Variants in ADCY9 observed in about 807,000 individuals in gnomAD.
ADCY9 encodes the protein adenylate cyclase type 9.
A neutral mutation model predicts 101.5 loss-of-function variants in ADCY9; 50 were observed. That is an observed-to-expected ratio of 0.49 (90% CI 0.39 to 0.62). The LOEUF (loss-of-function observed/expected upper bound fraction) is 0.62, where lower values mean the gene tolerates loss of function less well. Ranked by LOEUF, ADCY9 falls within the 20% of genes least tolerant of loss-of-function variation. The probability of loss-of-function intolerance (pLI) is 0.00; values close to 1 mark genes in which losing one functional copy is unlikely to be tolerated. For missense variants in ADCY9, 1,662 were observed against 1,800.4 expected (o/e 0.92, Z 1.39); for synonymous variants, 905 against 769.3 (o/e 1.18, Z -2.92).
At chr16:4,070,225 T>C (rs1442778167) in intron 2 of ADCY9, among the ~76,000 whole-genome samples, 1 of 149,950 alleles carries the variant, frequency 6.7e-6, no homozygotes, top group East Asian at 2.0e-4. Context: ...GTTTGTTGTA[T>C]AGAAAATAAG....
At chr16:4,016,790 A>C (rs769566872) in intron 2 of ADCY9, among the ~76,000 whole-genome samples, 44 of 152,198 alleles carry the variant, frequency 2.9e-4, no homozygotes, top group Non-Finnish European at 1.3e-4. Flanking sequence ...ATCTGTAGAC[A>C]CAGAAAGCAG....
At chr16:4,000,382 G>A (rs2238445) in intron 3 of ADCY9, among the ~76,000 whole-genome samples, 12,837 of 152,174 alleles carry the variant, frequency 0.084, 756 homozygotes, top group East Asian at 0.27. Context: ...CCAGGTGAAC[G>A]GGGCAGCCTG....
Position 3,965,720 on chromosome 16 carries a change from A to G in ADCY9, c.*55T>C. 6.6e-7 allele frequency: 1 copy of G among 1,523,282 alleles called. No homozygotes were observed. 94.4% of individuals were successfully genotyped at this position (1,523,282 alleles called of 1,614,324 possible). On this transcript the variant is annotated 3_prime_UTR_variant, in exon 11 of 11. Transcript: ENST00000294016. ...CTTGGAAAGCACAACAGCCAAATAC[A>G]AATATTACTGTGTTTCGACAAACAG...
rs5815192 is a variant in ADCY9 at position 4,050,713 on chromosome 16, C to CAAAA, written c.1694-43159_1694-43156dup. On this transcript the variant is annotated intron_variant, in intron 2 of 10. Transcript: ENST00000294016. The stretch of plus-strand genomic sequence containing the variant: ...TGGCAACAAGAGTGAAACTCCGTCT[C>CAAAA]AAAAAAAAAAAAAAAAAAAAAAAAT... 2.4e-3 allele frequency among the ~76,000 whole-genome samples: 166 copies of CAAAA among 69,226 alleles called. 1 individual carries two copies. Among genetic ancestry groups the CAAAA allele is most frequent in the East Asian group, 9.7e-3 (24 of 2,478 alleles). The allele number at this position is 69,226 out of a possible 152,430, so 45.4% of individuals were successfully genotyped here. A position where few individuals can be genotyped will look rare whatever the true frequency, so the allele number is the denominator to read the frequency against.
chr16:4,075,340 T>C (rs991094255), intron 2 of ADCY9, among the ~76,000 whole-genome samples: 3 of 152,152 alleles, frequency 2.0e-5, no homozygotes, highest in African/African-American at 7.2e-5. Context: ...GGTTTTGCCA[T>C]GTTGGCCAGG....
At position 4,115,260 on chromosome 16, in the gene ADCY9, C is replaced by T. The variant is rs138231060; in HGVS notation, c.183G>A (p.Gly61=). The change falls in exon 2 of 11, where the codon GGG becomes GGA. Residue 61 remains glycine, a synonymous_variant. Coordinates refer to ENST00000294016, the MANE Select transcript of ADCY9 (RefSeq NM_001116.4). This position sits in a 1 kb window ranked among gnomAD's most constrained non-coding sequence, Gnocchi z 6.2. ...CGCCGCCCACTCGCCGGGGGACGCC[C>T]CCGGAGTCCCCAGAGCTGCTGCAGC... ...SSSCSSSGDS[G]GVPRRVGGGG... 1.4e-3 allele frequency: 2,191 copies of T among 1,613,494 alleles called. 2 individuals carry two copies. Among genetic ancestry groups the T allele is most frequent in the Non-Finnish European group, 1.7e-3 (1,961 of 1,179,728 alleles).
At chr16:4,011,495 A>T (rs2056404108) in intron 2 of ADCY9, among the ~76,000 whole-genome samples, 4 of 152,192 alleles carry the variant, frequency 2.6e-5, no homozygotes, top group Admixed American at 2.6e-4. Flanking sequence ...GGAGTCAGGA[A>T]ATAACAGTGG....
At chr16:4,089,198 C>T (rs937484435) in intron 2 of ADCY9, among the ~76,000 whole-genome samples, 12 of 152,118 alleles carry the variant, frequency 7.9e-5, no homozygotes, top group Middle Eastern at 6.8e-3. Flanking sequence ...CCTCAGCCTC[C>T]CGAGGGGCTG....
chr16:4,112,198 A>C (rs899124644), intron 2 of ADCY9, among the ~76,000 whole-genome samples: 2 of 152,376 alleles, frequency 1.3e-5, no homozygotes, highest in African/African-American at 4.8e-5. Context: ...TTCAGACTCA[A>C]GAGCGAGTGC....
At chr16:4,052,247 C>T (rs1378604691) in intron 2 of ADCY9, among the ~76,000 whole-genome samples, 2 of 152,180 alleles carry the variant, frequency 1.3e-5, no homozygotes, top group South Asian at 2.1e-4. Context: ...GAAGGAGACT[C>T]GAGAGCCATT....
At chr16:4,065,407 T>C (rs186600573) in intron 2 of ADCY9, among the ~76,000 whole-genome samples, 10 of 152,334 alleles carry the variant, frequency 6.6e-5, no homozygotes, top group Admixed American at 5.2e-4. Flanking sequence ...TTTTCCCTAA[T>C]GGAATAATAC....
chr16:4,070,189 G>A (rs1054028841), intron 2 of ADCY9, among the ~76,000 whole-genome samples: 2 of 151,852 alleles, frequency 1.3e-5, no homozygotes, highest in Admixed American at 6.6e-5. Context: ...TTACTAGTAA[G>A]GACATACATT....
intron 2 of ADCY9, among the ~76,000 whole-genome samples, chr16:4,019,542 A>G (rs2056461008): frequency 6.6e-6 from 1 of 152,240 alleles, no homozygotes. Context: ...CCGGCCATCA[A>G]CAAACGGAGA....
At chr16:4,011,701 G>C (rs1441866091) in intron 2 of ADCY9, among the ~76,000 whole-genome samples, 6 of 152,100 alleles carry the variant, frequency 3.9e-5, no homozygotes, top group Non-Finnish European at 7.4e-5. Flanking sequence ...GGGAGGGCAG[G>C]AGCAGAGCTA....
Position 3,966,580 on chromosome 16 carries a change from T to C in ADCY9, c.3257A>G (p.Asn1086Ser). The C allele has an allele frequency of 3.7e-6, 6 of 1,614,168 alleles. No individual in the cohort carries two copies. Among genetic ancestry groups the C allele is most frequent in the Non-Finnish European group, 5.1e-6 (6 of 1,180,034 alleles). The change falls in exon 11 of 11, where the codon AAC (asparagine) becomes AGC (serine). Residue 1086 changes from asparagine (N) to serine (S), a missense_variant. Asn to Ser is a conservative substitution (Grantham distance 46, BLOSUM62 1). Around this residue, in one of 5 missense-constraint regions of ADCY9, gnomAD observed 220 missense variants for 312.9 expected, o/e 0.70. Coordinates refer to ENST00000294016, the MANE Select transcript of ADCY9 (RefSeq NM_001116.4). Reference protein sequence around the residue: ...EGGKECYRVLNELIGDFDELL... With the variant: ...EGGKECYRVLSELIGDFDELL... ...CTCGTCAAAGTCCCCGATGAGCTCG[T>C]TGAGGACCCGGTAGCACTCCTTGCC...
At chr16:4,009,644 G>C (rs1456783716) in intron 2 of ADCY9, among the ~76,000 whole-genome samples, 1 of 152,190 alleles carries the variant, frequency 6.6e-6, no homozygotes, top group Non-Finnish European at 1.5e-5. Flanking sequence ...TTATGCACAG[G>C]ATCAATCACG....
intron 3 of ADCY9, among the ~76,000 whole-genome samples, chr16:3,996,853 T>C (rs1006848514): frequency 6.6e-6 from 1 of 152,084 alleles, no homozygotes; most frequent in Non-Finnish European, 1.5e-5. Context: ...TGCTGTGCTT[T>C]TCTCTCTTTT....
At chr16:4,014,924 T>G (rs1456634087) in intron 2 of ADCY9, among the ~76,000 whole-genome samples, 2 of 142,946 alleles carry the variant, frequency 1.4e-5, no homozygotes, top group African/African-American at 5.1e-5. Context: ...AGTGACCACA[T>G]TCCCCTGTTT....
chr16:4,065,077 G>C (rs2056793130), intron 2 of ADCY9, among the ~76,000 whole-genome samples: 1 of 152,188 alleles, frequency 6.6e-6, no homozygotes, highest in Non-Finnish European at 1.5e-5. Flanking sequence ...ATTTATAGCA[G>C]CTACATGACT....
Sources: allele counts gnomAD v4.1 joint callset (sites outside exome capture counted in the v4.1 genomes callset), GRCh38; gene constraint gnomAD v4.1.1; regional missense constraint gnomAD v4.1.1; non-coding constraint Gnocchi (gnomAD v3.1); transcripts MANE v1.5; gene names NCBI Gene and HGNC (gene_info 2026-07-23, HGNC 2026-07-21).